The following PRKG2 variants were observed in gnomAD, a reference collection of about 807,000 sequenced individuals.
PRKG2 encodes the protein cGMP-dependent protein kinase 2.
A neutral mutation model predicts 97.2 loss-of-function variants in PRKG2; 33 were observed. The ratio of observed to expected loss-of-function variants is 0.34; its 90% confidence interval spans 0.26 to 0.45. PRKG2 has a LOEUF of 0.45. Among genes scored for constraint, PRKG2 ranks in the 20% least tolerant of loss-of-function variants. The pLI, the probability that PRKG2 is intolerant of heterozygous loss-of-function variation, is 1.00. For synonymous variants in PRKG2, 330 were observed against 321.8 expected (o/e 1.03, Z -0.27); for missense variants, 638 against 900.0 (o/e 0.71, Z 3.73).
intron 6 of PRKG2, chr4:81,154,366 C>A (rs976264176): frequency 6.6e-6 from 1 of 152,112 alleles, no homozygotes; most frequent in Non-Finnish European, 1.5e-5. Context: ...ATTTAAATGT[C>A]CCTGTCTGAC....
intron 5 of PRKG2, among the ~76,000 whole-genome samples, chr4:81,167,913 C>T (rs1750129288): frequency 6.6e-6 from 1 of 151,994 alleles, no homozygotes; most frequent in African/African-American, 2.4e-5. Flanking sequence ...AGAACTTCAA[C>T]AACTGCTTTC....
At chr4:81,156,785 A>C (rs1160099198) in intron 6 of PRKG2, among the ~76,000 whole-genome samples, 1 of 152,156 alleles carries the variant, frequency 6.6e-6, no homozygotes, top group Non-Finnish European at 1.5e-5. Flanking sequence ...CTCACTCAAA[A>C]CCGCCAACTA....
rs576424788 is a variant in PRKG2, at chr4:81,131,217, T to A, written c.1776+3938A>T. 8.2e-4 allele frequency among the ~76,000 whole-genome samples: 123 copies of A among 149,492 alleles called. 4 individuals carry two copies. Among genetic ancestry groups the A allele is most frequent in the African/African-American group, 3.0e-3 (118 of 38,912 alleles). ...CCATTCCTCACAGCACAGTCCCTCA[T>A]GGCTTCCCTTGGCTAGGGGAGGGAG... On this transcript the variant is annotated intron_variant, in intron 14 of 18. Transcript: ENST00000264399.
In PRKG2 at chr4:81,135,372, T is replaced by C. The variant is rs1280219700; in HGVS notation, c.1635-76A>G. 3.5e-6 allele frequency: 5 copies of C among 1,439,152 alleles called. No individual in the cohort carries two copies. In the East Asian group the frequency reaches 7.1e-5, roughly 20 times the overall value. 89.1% of individuals were successfully genotyped at this position (1,439,152 alleles called of 1,614,324 possible). On this transcript the variant is annotated intron_variant, in intron 13 of 18. Coordinates refer to ENST00000264399, the MANE Select transcript of PRKG2 (RefSeq NM_006259.3). Reference sequence around the variant, plus strand: ...GCTGTTCTACGTGTCAAATCAATTATTGGATTGGCAGGTTTATGCAATATA... The same window carrying C: ...GCTGTTCTACGTGTCAAATCAATTACTGGATTGGCAGGTTTATGCAATATA...
At chr4:81,137,534 CT>C (rs1233807262) in intron 12 of PRKG2, 52 bp from the exon 13 acceptor site, 12 of 1,424,702 alleles carry the variant, frequency 8.4e-6, no homozygotes, top group African/African-American at 1.4e-5. Flanking sequence ...GTTTAAAAAC[CT>C]TTTTAAAGTT....
At chr4:81,099,979 T>A (rs988436483) in intron 17 of PRKG2, among the ~76,000 whole-genome samples, 2 of 151,970 alleles carry the variant, frequency 1.3e-5, no homozygotes, top group African/African-American at 4.8e-5. Context: ...TCAAAGAGAA[T>A]AAAATACCCA....
At chr4:81,172,586 T>C (rs962306866) in intron 3 of PRKG2, among the ~76,000 whole-genome samples, 2 of 152,212 alleles carry the variant, frequency 1.3e-5, no homozygotes, top group African/African-American at 2.4e-5. Context: ...TCCCCTTCAC[T>C]ATTTTTCTTT....
intron 6 of PRKG2, among the ~76,000 whole-genome samples, chr4:81,164,564 C>T (rs1332815953): frequency 6.6e-6 from 1 of 151,996 alleles, no homozygotes; most frequent in Non-Finnish European, 1.5e-5. Context: ...CGGTTGCAAA[C>T]TCTAAACATT....
At chr4:81,179,984 T>C (rs1751267550) in intron 2 of PRKG2, among the ~76,000 whole-genome samples, 1 of 151,846 alleles carries the variant, frequency 6.6e-6, no homozygotes, top group South Asian at 2.1e-4. Context: ...AACACAAAAA[T>C]TAGCCAGGCA....
intron 14 of PRKG2, among the ~76,000 whole-genome samples, chr4:81,113,993 T>A (rs959652172): frequency 6.6e-6 from 1 of 152,160 alleles, no homozygotes; most frequent in African/African-American, 2.4e-5. Flanking sequence ...CTCTTTATGT[T>A]TGGTGTACAG....
intron 2 of PRKG2, among the ~76,000 whole-genome samples, chr4:81,178,357 C>G (rs1411824353): frequency 6.6e-6 from 1 of 151,752 alleles, no homozygotes; most frequent in Non-Finnish European, 1.5e-5. Flanking sequence ...CAGAAGTTAC[C>G]AGGCATACTA....
chr4:81,113,067 T>C (rs111626246), intron 14 of PRKG2, among the ~76,000 whole-genome samples: 2,862 of 152,034 alleles, frequency 0.019, 80 homozygotes, highest in African/African-American at 0.065. Flanking sequence ...GAAGAGCCAG[T>C]GAAAAGGCCT....
intron 6 of PRKG2, among the ~76,000 whole-genome samples, chr4:81,163,790 T>G (rs1352436263): frequency 6.6e-6 from 1 of 152,002 alleles, no homozygotes; most frequent in African/African-American, 2.4e-5. Flanking sequence ...TATAAGTATC[T>G]TGCAAAAAGC....
At chr4:81,205,090 A>G (rs768985238) in intron 1 of PRKG2, 30 bp from the exon 2 acceptor site, 2 of 1,440,190 alleles carry the variant, frequency 1.4e-6, no homozygotes, top group Non-Finnish European at 1.9e-6. Context: ...GGAAGTATCA[A>G]GTGGAGTTTC....
At position 81,174,844 on chromosome 4, in the gene PRKG2, T is replaced by A. The variant is rs1249124858; in HGVS notation, c.577A>T (p.Ser193Cys). Residue 193 changes from serine (S) to cysteine (C), a missense_variant, in exon 3 of 19, where the codon AGT becomes TGT. Physicochemically the swap from Ser to Cys is moderately radical, Grantham distance 112. Coordinates refer to ENST00000264399, the MANE Select transcript of PRKG2 (RefSeq NM_006259.3). ...GGTTCTCCTTGCTTAATAATGTAAC[T>A]CCCTTGCTGATAGTTTCTCCCATAC... is the stretch of plus-strand genomic sequence containing the variant. ...CMYGRNYQQG[S>C]YIIKQGEPGN... is the part of the protein sequence containing the mutation. 1 of 1,613,346 alleles carries A rather than the reference T, an allele frequency of 6.2e-7. No individual in the cohort carries two copies. The highest frequency in any genetic ancestry group is 1.7e-5 in the Admixed American group (1 of 59,996).
chr4:81,133,648 C>A lies in PRKG2; in HGVS notation c.1776+1507G>T, dbSNP rs377744164. ...GGATTTCAAGGTACATAGTTTAATT[C>A]ATAGCTAGAAATTGAAATATTTAAT... On this transcript the variant is annotated intron_variant, in intron 14 of 18. Coordinates refer to ENST00000264399, the MANE Select transcript of PRKG2 (RefSeq NM_006259.3). 1.5e-3 allele frequency among the ~76,000 whole-genome samples: 230 copies of A among 152,238 alleles called. 2 individuals are homozygous for A. Among genetic ancestry groups the A allele is most frequent in the African/African-American group, 5.3e-3 (219 of 41,524 alleles).
At chr4:81,154,787 G>T (rs1366288223) in intron 6 of PRKG2, among the ~76,000 whole-genome samples, 1 of 152,216 alleles carries the variant, frequency 6.6e-6, no homozygotes, top group East Asian at 1.9e-4. Context: ...TTGACGAGCT[G>T]CGAGAAGAAG....
At chr4:81,209,240 T>C (rs940930951) in intron 1 of PRKG2, among the ~76,000 whole-genome samples, 2 of 152,328 alleles carry the variant, frequency 1.3e-5, no homozygotes, top group Middle Eastern at 6.8e-3. Context: ...GCAGTCAATG[T>C]GGGAGGAATT....
At chr4:81,123,793 T>A (rs1043679748) in intron 14 of PRKG2, among the ~76,000 whole-genome samples, 4 of 152,214 alleles carry the variant, frequency 2.6e-5, no homozygotes, top group Non-Finnish European at 5.9e-5. Context: ...TCTGTTTCCT[T>A]AATTTATGCT....
Sources: gnomAD v4.1 joint callset for allele counts (sites outside exome capture counted in the v4.1 genomes callset) on GRCh38, gnomAD v4.1.1 for gene constraint, MANE v1.5 for transcripts, NCBI Gene and HGNC (gene_info 2026-07-23, HGNC 2026-07-21) for gene names.